EFTUD2: variants seen among roughly 807,000 people sequenced by gnomAD.
EFTUD2 encodes elongation factor Tu GTP binding domain containing 2, also known as 116 kDa U5 small nuclear ribonucleoprotein component.
Under a neutral mutation model 114.3 loss-of-function variants are expected in EFTUD2, and 9 were observed. The observed-to-expected ratio is 0.08, with a 90% CI of 0.05 to 0.14. The LOEUF (loss-of-function observed/expected upper bound fraction) is 0.14, where lower values mean the gene tolerates loss of function less well. Among genes scored for constraint, EFTUD2 ranks in the 10% least tolerant of loss-of-function variants. EFTUD2 has a pLI of 1.00. For missense variants in EFTUD2, 765 were observed against 1,241.2 expected (o/e 0.62, Z 5.76); for synonymous variants, 449 against 462.3 (o/e 0.97, Z 0.37).
At chr17:44,859,728 A>G (rs988070745) in intron 18 of EFTUD2, 177 bp downstream of exon 18, 11 of 991,046 alleles carry the variant, frequency 1.1e-5, no homozygotes, top group Non-Finnish European at 1.6e-5. Flanking sequence ...ACACACATAC[A>G]CACACACACG....
chr17:44,864,846 A>G (rs1272521495), intron 14 of EFTUD2, 84 bp downstream of exon 14: 21 of 1,556,078 alleles, frequency 1.3e-5, no homozygotes, highest in Non-Finnish European at 1.7e-5. Flanking sequence ...TCTGACCTCC[A>G]TCGCTGGGTG....
rs564906314 is a variant in EFTUD2 at position 44,886,698 on chromosome 17, G to T, written c.158C>A (p.Pro53His). ...DDVGDHDDDH[P>H]GMEVVLHEDK... The stretch of plus-strand genomic sequence containing the variant: ...CTCATGCAGCACCACCTCCATCCCA[G>T]GGTGGTCATCGTCATGATCTCCTAC... Residue 53 changes from proline to histidine, a missense_variant, in exon 3 of 28, where the codon CCT becomes CAT. Pro to His is a moderately conservative substitution (Grantham distance 77). Around this residue, in one of 6 missense-constraint regions of EFTUD2, gnomAD observed 121 missense variants for 133.7 expected, o/e 0.90. Transcript: ENST00000426333. The T allele has an allele frequency of 3.7e-6, 6 of 1,614,030 alleles. No homozygotes were observed. Among genetic ancestry groups the T allele is most frequent in the Non-Finnish European group, 5.1e-6 (6 of 1,180,026 alleles).
At chr17:44,896,574 G>A (rs563700584) in intron 1 of EFTUD2, among the ~76,000 whole-genome samples, 2 of 152,320 alleles carry the variant, frequency 1.3e-5, no homozygotes, top group South Asian at 4.1e-4. Flanking sequence ...TTGAATCCAG[G>A]AGGCAGAGGT....
chr17:44,879,025 G>A (rs1028837838), intron 9 of EFTUD2, among the ~76,000 whole-genome samples: 3 of 152,126 alleles, frequency 2.0e-5, no homozygotes, highest in African/African-American at 4.8e-5. Context: ...TTTCTGAATA[G>A]CAATGAGTCT....
chr17:44,888,293 G>A (rs548843971), intron 2 of EFTUD2, among the ~76,000 whole-genome samples: 44 of 152,308 alleles, frequency 2.9e-4, no homozygotes, highest in African/African-American at 8.4e-4. Flanking sequence ...AAAAGTAGGC[G>A]GGGAGGTGCC....
chr17:44,892,874 C>T (rs1028826789), intron 2 of EFTUD2, among the ~76,000 whole-genome samples: 1 of 151,382 alleles, frequency 6.6e-6, no homozygotes, highest in Non-Finnish European at 1.5e-5. Context: ...TGGGCTCAAG[C>T]GCCTCAGCCT....
chr17:44,858,936 C>T lies in EFTUD2; in HGVS notation c.1962+144G>A. ...AAGGGGGCAAACCAGTTCTCAAAAA[C>T]CTTCCCATATAAGGAGCAACAGATC... On this transcript the variant is annotated intron_variant, in intron 19 of 27. Transcript: ENST00000426333. The T allele has an allele frequency of 4.6e-6, 3 of 650,270 alleles. No individual in the cohort carries two copies. In the South Asian group the frequency reaches 5.3e-5, roughly 11 times the overall value. The allele number at this position is 650,270 out of a possible 1,614,324, so 40.3% of individuals were successfully genotyped here. A position where few individuals can be genotyped will look rare whatever the true frequency, so the allele number is the denominator to read the frequency against.
At chr17:44,883,624 CA>C (rs2051112640) in intron 5 of EFTUD2, 24 bp downstream of exon 5, 1 of 1,605,480 alleles carries the variant, frequency 6.2e-7, no homozygotes, top group Non-Finnish European at 8.5e-7. Flanking sequence ...AATCCTGTTC[CA>C]AGTAGCTGAA....
In EFTUD2 at chr17:44,868,560, CAAAATG is replaced by C. The variant is rs1597803687; in HGVS notation, c.995-216_995-211del. The C allele has an allele frequency of 7.5e-6, 4 of 533,040 alleles. No individual in the cohort carries two copies. In the East Asian group the frequency reaches 1.2e-4, roughly 16 times the overall value. The allele number at this position is 533,040 out of a possible 1,614,324, so 33.0% of individuals were successfully genotyped here. On this transcript the variant is annotated intron_variant, in intron 11 of 27. Coordinates refer to ENST00000426333, the MANE Select transcript of EFTUD2 (RefSeq NM_004247.4). ...AAAGTTGACAAGGCTGTGCTGGAGC[CAAAATG>C]AGAACCCAAGCCTCTCCATCTCCAC...
In EFTUD2 at chr17:44,894,512, C is replaced by T. The variant is rs374394268; in HGVS notation, c.10G>A (p.Asp4Asn). 8.1e-6 allele frequency: 13 copies of T among 1,613,210 alleles called. No individual in the cohort carries two copies. The African/African-American group carries it at 1.6e-4, about 20-fold the overall frequency. Residue 4 changes from aspartate to asparagine, a missense_variant, in exon 2 of 28, where the codon GAC (aspartate) becomes AAC (asparagine). Coordinates refer to ENST00000426333, the MANE Select transcript of EFTUD2 (RefSeq NM_004247.4). MDT[D>N]LYDEFGNYIG... The stretch of plus-strand genomic sequence containing the variant: ...TAATTCCCAAACTCATCATATAAGT[C>T]GGTATCCATGATGCTAAAATTCAAG...
rs768052412 is a variant in EFTUD2 at position 44,854,249 on chromosome 17, G to A, written c.2347+20C>T. The stretch of plus-strand genomic sequence containing the variant: ...CAAGGACCCTCGAGGACTGGGGTGG[G>A]GGAGTGCTGGTGGACTTACATTCAT... On this transcript the variant is annotated intron_variant, in intron 23 of 27. Coordinates refer to ENST00000426333, the MANE Select transcript of EFTUD2 (RefSeq NM_004247.4). The surrounding 1 kb of genome is among the most constrained non-coding windows in gnomAD (Gnocchi z 4.3). 2 of 1,605,366 alleles carry A rather than the reference G, an allele frequency of 1.2e-6. No homozygotes were observed. The highest frequency in any genetic ancestry group is 2.7e-5 in the African/African-American group (2 of 74,740).
chr17:44,853,671 T>G (rs1166560694), intron 23 of EFTUD2, 36 bp from the exon 24 acceptor site: 5 of 1,608,940 alleles, frequency 3.1e-6, no homozygotes, highest in African/African-American at 1.3e-5. Flanking sequence ...TGGGGAGAGG[T>G]TCTGGGCCTG....
At chr17:44,853,266 A>G (rs2050488710) in intron 25 of EFTUD2, 30 bp downstream of exon 25, 1 of 1,608,116 alleles carries the variant, frequency 6.2e-7, no homozygotes, top group African/African-American at 1.3e-5. Flanking sequence ...TGCTCTCAGC[A>G]CTCTCCCTAA....
intron 9 of EFTUD2, among the ~76,000 whole-genome samples, chr17:44,877,058 T>C (rs2050972925): frequency 6.6e-6 from 1 of 151,980 alleles, no homozygotes; most frequent in African/African-American, 2.4e-5. Flanking sequence ...AAGCTGGGCA[T>C]GTTGGCACAT....
chr17:44,882,668 TAAAAC>T (rs539657809), intron 6 of EFTUD2, among the ~76,000 whole-genome samples: 2 of 152,210 alleles, frequency 1.3e-5, no homozygotes, highest in Non-Finnish European at 2.9e-5. Flanking sequence ...GCTAAAGTGT[TAAAAC>T]AATCAATCTG....
intron 19 of EFTUD2, chr17:44,857,405 T>C (rs1317050526): frequency 4.9e-6 from 2 of 412,260 alleles, no homozygotes; most frequent in South Asian, 2.2e-5. Flanking sequence ...GGTATCAAAC[T>C]AGGGCCTTAA....
chr17:44,879,913 C>G (rs1255338771), intron 8 of EFTUD2, among the ~76,000 whole-genome samples: 7 of 152,060 alleles, frequency 4.6e-5, no homozygotes, highest in Admixed American at 1.3e-4. Context: ...TTAGCCTAAT[C>G]AGCAGTAAGT....
chr17:44,883,004 AGAACAG>A, intron 6 of EFTUD2, 83 bp downstream of exon 6: 1 of 1,276,756 alleles, frequency 7.8e-7, no homozygotes, highest in Non-Finnish European at 1.1e-6. Flanking sequence ...TTATTTATAG[AGAACAG>A]GAAGGGTGAA....
intron 16 of EFTUD2, among the ~76,000 whole-genome samples, chr17:44,861,461 C>T (rs1336056583): frequency 1.4e-5 from 2 of 145,212 alleles, no homozygotes; most frequent in Non-Finnish European, 3.0e-5. Context: ...AGGCTGGGAG[C>T]GGTGGCTCAC....
Sources: gnomAD v4.1 joint callset for allele counts (sites outside exome capture counted in the v4.1 genomes callset) on GRCh38, gnomAD v4.1.1 for gene constraint, gnomAD v4.1.1 regional missense constraint, Gnocchi (gnomAD v3.1) non-coding constraint, MANE v1.5 for transcripts, NCBI Gene and HGNC (gene_info 2026-07-23, HGNC 2026-07-21) for gene names.